TLL1: variants seen among roughly 807,000 people sequenced by gnomAD.
TLL1 encodes the protein tolloid like 1, also known as tolloid-like protein 1.
In TLL1, 49 loss-of-function variants were observed where a neutral mutation model predicts 128.2. The ratio of observed to expected loss-of-function variants is 0.38; its 90% CI spans 0.30 to 0.48. The LOEUF (loss-of-function observed/expected upper bound fraction) is 0.48. Ranked by LOEUF, TLL1 falls within the 20% of genes least tolerant of loss-of-function variation. The pLI is 0.96. For missense variants in TLL1, 1,123 were observed against 1,242.0 expected, an observed-to-expected ratio of 0.90 and a Z score of 1.44; for synonymous variants, 454 against 418.8, an observed-to-expected ratio of 1.08 and a Z score of -1.03.
intron 1 of TLL1, among the ~76,000 whole-genome samples, chr4:165,977,602 A>G (rs1287697879): frequency 6.6e-6 from 1 of 152,228 alleles, no homozygotes; most frequent in Non-Finnish European, 1.5e-5. Context: ...TAAAGGAGAA[A>G]TGGTTATAAA....
chr4:166,071,771 CTATAA>C (rs1006629206), intron 16 of TLL1, among the ~76,000 whole-genome samples: 44 of 151,952 alleles, frequency 2.9e-4, no homozygotes, highest in African/African-American at 9.4e-4. Flanking sequence ...AATAGGAAAT[CTATAA>C]TATATTTGCA....
chr4:165,933,011 T>C (rs1266645744), intron 1 of TLL1, among the ~76,000 whole-genome samples: 2 of 152,220 alleles, frequency 1.3e-5, no homozygotes, highest in Non-Finnish European at 1.5e-5. Flanking sequence ...TTTAAGTATA[T>C]GAACTTTCTC....
At chr4:166,084,761 T>G (rs1741426472) in intron 18 of TLL1, among the ~76,000 whole-genome samples, 1 of 152,166 alleles carries the variant, frequency 6.6e-6, no homozygotes, top group Non-Finnish European at 1.5e-5. Flanking sequence ...TATGCCAGTA[T>G]TACGCTGTTT....
At chr4:166,051,644 A>C (rs889751973) in intron 12 of TLL1, among the ~76,000 whole-genome samples, 3 of 152,174 alleles carry the variant, frequency 2.0e-5, no homozygotes, top group African/African-American at 7.2e-5. Flanking sequence ...AATGGAGTAA[A>C]TTCATTGTGC....
chr4:165,971,130 C>A lies in TLL1; in HGVS notation c.170-18251C>A, dbSNP rs143402985. Among the ~76,000 whole-genome samples, 190 of 152,266 alleles carry A rather than the reference C, an allele frequency of 1.2e-3. 1 individual carries two copies. The highest frequency in any genetic ancestry group is 4.1e-3 in the Admixed American group (63 of 15,298). On this transcript the variant is annotated intron_variant, in intron 1 of 20. Transcript: ENST00000061240. ...AATTATTTAAGTGATTATAATTATT[C>A]TTCACTGGTAATCTATCATGCACAA...
chr4:166,063,442 A>C (rs1740429723), intron 15 of TLL1, among the ~76,000 whole-genome samples: 1 of 152,328 alleles, frequency 6.6e-6, no homozygotes, highest in African/African-American at 2.4e-5. Flanking sequence ...ACGATTCCTC[A>C]AGGATCTAGA....
intron 15 of TLL1, among the ~76,000 whole-genome samples, chr4:166,065,190 C>A (rs746731882): frequency 3.9e-5 from 6 of 152,068 alleles, no homozygotes; most frequent in Admixed American, 6.6e-5. Context: ...TGCAGCAACC[C>A]TACAGAGTAA....
At chr4:166,056,421 G>C (rs1207720821) in intron 13 of TLL1, among the ~76,000 whole-genome samples, 2 of 151,002 alleles carry the variant, frequency 1.3e-5, no homozygotes, top group African/African-American at 2.4e-5. Context: ...GTATATTTTG[G>C]GTTTCAATAT....
intron 1 of TLL1, among the ~76,000 whole-genome samples, chr4:165,934,221 G>T (rs1733664330): frequency 6.9e-6 from 1 of 144,848 alleles, no homozygotes; most frequent in South Asian, 2.2e-4. Context: ...CACCATGTTG[G>T]CCAGGTTGGT....
intron 18 of TLL1, among the ~76,000 whole-genome samples, chr4:166,088,118 C>A (rs1003243463): frequency 3.9e-5 from 6 of 152,236 alleles, no homozygotes; most frequent in Middle Eastern, 6.8e-3. Context: ...GAGTGGAAAT[C>A]CAAGTTCCTT....
intron 12 of TLL1, among the ~76,000 whole-genome samples, chr4:166,050,107 A>G (rs992668092): frequency 6.6e-6 from 1 of 152,196 alleles, no homozygotes; most frequent in Non-Finnish European, 1.5e-5. Context: ...TGTACAGTTC[A>G]GTAGTGTTAA....
intron 1 of TLL1, among the ~76,000 whole-genome samples, chr4:165,910,562 T>C (rs1732483879): frequency 6.6e-6 from 1 of 152,194 alleles, no homozygotes; most frequent in African/African-American, 2.4e-5. Flanking sequence ...TCATCCTATG[T>C]AGAGCCACAC....
chr4:166,051,250 T>C (rs1029725086), intron 12 of TLL1, among the ~76,000 whole-genome samples: 2 of 149,838 alleles, frequency 1.3e-5, no homozygotes, highest in Admixed American at 6.7e-5. Context: ...TTTTCTCTTT[T>C]TTCTTTTTTC....
chr4:165,884,269 A>G (rs1731082687), intron 1 of TLL1, among the ~76,000 whole-genome samples: 1 of 152,218 alleles, frequency 6.6e-6, no homozygotes, highest in African/African-American at 2.4e-5. Flanking sequence ...TTAATTTAGC[A>G]TTTGAAAATA....
intron 1 of TLL1, among the ~76,000 whole-genome samples, chr4:165,921,623 C>G (rs1379550870): frequency 6.6e-6 from 1 of 152,150 alleles, no homozygotes; most frequent in Non-Finnish European, 1.5e-5. Flanking sequence ...TTGTATAAGG[C>G]ATTTTTGACA....
intron 16 of TLL1, among the ~76,000 whole-genome samples, chr4:166,073,483 T>C (rs950364658): frequency 5.3e-5 from 8 of 152,182 alleles, no homozygotes; most frequent in African/African-American, 1.9e-4. Flanking sequence ...TTTTCTTTAT[T>C]CTGCTTTCAT....
chr4:166,091,696 G>A (rs1741787324), intron 19 of TLL1, among the ~76,000 whole-genome samples: 1 of 151,980 alleles, frequency 6.6e-6, no homozygotes, highest in African/African-American at 2.4e-5. Context: ...GAAATCTATG[G>A]CTTGTTATTA....
chr4:165,984,869 G>T (rs1200733596), intron 1 of TLL1, among the ~76,000 whole-genome samples: 2 of 151,934 alleles, frequency 1.3e-5, no homozygotes, highest in African/African-American at 4.8e-5. Flanking sequence ...ACTAGAGATT[G>T]AGGGGCTTGT....
chr4:165,967,896 T>C lies in TLL1; in HGVS notation c.170-21485T>C, dbSNP rs563811233. Among the ~76,000 whole-genome samples the C allele has an allele frequency of 2.7e-4, 41 of 152,336 alleles. 1 individual carries two copies. The South Asian group carries it at 7.5e-3, about 28-fold the overall frequency. On this transcript the variant is annotated intron_variant, in intron 1 of 20. Coordinates refer to ENST00000061240, the MANE Select transcript of TLL1 (RefSeq NM_012464.5). Reference sequence around the variant, plus strand: ...GGCAATAGATAGACTTTATATTGAGTGTATCCTTTATCTGGTCATGATTAG... The same window carrying C: ...GGCAATAGATAGACTTTATATTGAGCGTATCCTTTATCTGGTCATGATTAG...
Sources: allele counts gnomAD v4.1 joint callset (sites outside exome capture counted in the v4.1 genomes callset), GRCh38; gene constraint gnomAD v4.1.1; transcripts MANE v1.5; gene names NCBI Gene and HGNC (gene_info 2026-07-23, HGNC 2026-07-21).